Variants in SDK1 observed in about 807,000 individuals in gnomAD.
SDK1 encodes sidekick cell adhesion molecule 1, also known as protein sidekick-1.
A neutral mutation model predicts 245.5 loss-of-function variants in SDK1; 157 were observed. The observed-to-expected ratio is 0.64, with a 90% CI of 0.56 to 0.73. SDK1 has a LOEUF of 0.73. Ranked by LOEUF, SDK1 falls within the 30% of genes least tolerant of loss-of-function variation. SDK1 has a pLI of 0.00. For synonymous variants in SDK1, 1,647 were observed against 1,278.5 expected (o/e 1.29, Z -6.15); for missense variants, 3,583 against 3,002.3 (o/e 1.19, Z -4.52).
chr7:4,128,840 G>C (rs1784573701), intron 26 of SDK1, among the ~76,000 whole-genome samples: 1 of 139,406 alleles, frequency 7.2e-6, no homozygotes, highest in Admixed American at 7.1e-5. Context: ...GCAGCTTGGA[G>C]TGGGGTCCCC....
chr7:4,268,930 A>C lies in SDK1; in HGVS notation c.*3546A>C. 1 of 333,946 alleles carries C rather than the reference A, an allele frequency of 3.0e-6. No homozygotes were observed. Among genetic ancestry groups the C allele is most frequent in the Non-Finnish European group, 6.0e-6 (1 of 167,320 alleles). 20.7% of individuals were successfully genotyped at this position (333,946 alleles called of 1,614,324 possible). On this transcript the variant is annotated 3_prime_UTR_variant, in exon 45 of 45. Transcript: ENST00000404826. ...CAGATCTCATTAAAAGAAAAAAAGA[A>C]ACAACTTGTAGGAAGACAGAGAGGT... is the stretch of plus-strand genomic sequence containing the variant.
intron 1 of SDK1, among the ~76,000 whole-genome samples, chr7:3,475,828 G>C (rs1781333098): frequency 6.6e-6 from 1 of 152,132 alleles, no homozygotes; most frequent in Non-Finnish European, 1.5e-5. Context: ...AATCACCTGA[G>C]CTGCCTCTCT....
chr7:3,903,481 G>A (rs1352066783), intron 5 of SDK1, among the ~76,000 whole-genome samples: 3 of 152,052 alleles, frequency 2.0e-5, no homozygotes, highest in African/African-American at 7.2e-5. Context: ...TGGAAGTGTT[G>A]GCAAGAAGTA....
At position 4,211,270 on chromosome 7, in the gene SDK1, A is replaced by G. The variant is rs1245391572; in HGVS notation, c.5539+1108A>G. Among the ~76,000 whole-genome samples, 3 of 152,236 alleles carry G rather than the reference A, an allele frequency of 2.0e-5. No homozygotes were observed. In the East Asian group the frequency reaches 5.8e-4, roughly 29 times the overall value. The stretch of plus-strand genomic sequence containing the variant: ...CAACACAGAGGACTTTGAAAGAGGA[A>G]ATGTCAGGGGCTTGACAGTGAGTGA... On this transcript the variant is annotated intron_variant, in intron 38 of 44. Coordinates refer to ENST00000404826, the MANE Select transcript of SDK1 (RefSeq NM_152744.4).
At chr7:3,943,122 C>G (rs1039095304) in intron 5 of SDK1, among the ~76,000 whole-genome samples, 1 of 152,150 alleles carries the variant, frequency 6.6e-6, no homozygotes, top group Admixed American at 6.5e-5. Context: ...ATAGAGTAAA[C>G]CAAAATGTAG....
At chr7:4,225,698 A>C (rs971807609) in intron 40 of SDK1, among the ~76,000 whole-genome samples, 2 of 152,130 alleles carry the variant, frequency 1.3e-5, no homozygotes, top group Non-Finnish European at 2.9e-5. Context: ...CCCACGCCTC[A>C]GAGTGGCTTG....
chr7:3,381,063 T>C (rs1206736101), intron 1 of SDK1, among the ~76,000 whole-genome samples: 3 of 152,168 alleles, frequency 2.0e-5, no homozygotes, highest in South Asian at 2.1e-4. Context: ...GCAGGAGTTA[T>C]GTGCTTAGAG....
In SDK1 at chr7:4,026,891, G is replaced by A. The variant is rs746507661; in HGVS notation, c.2602+9539G>A. Among the ~76,000 whole-genome samples the A allele has an allele frequency of 1.3e-5, 2 of 152,180 alleles. No individual in the cohort carries two copies. Among genetic ancestry groups the A allele is most frequent in the African/African-American group, 4.8e-5 (2 of 41,448 alleles). On this transcript the variant is annotated intron_variant, in intron 17 of 44. Transcript: ENST00000404826. The surrounding 1 kb of genome is among the most constrained non-coding windows in gnomAD (Gnocchi z 4.1). ...GACTCTACCAGGTAACGAACTCACC[G>A]CTCCCTGGTTTCAAAGGCGTATACA...
intron 35 of SDK1, among the ~76,000 whole-genome samples, chr7:4,180,742 GA>G (rs1782557498): frequency 6.6e-6 from 1 of 152,208 alleles, no homozygotes; most frequent in Non-Finnish European, 1.5e-5. Flanking sequence ...GGCGAAGGGG[GA>G]GCAGGCATCC....
chr7:3,848,979 C>A (rs1337943918), intron 5 of SDK1, among the ~76,000 whole-genome samples: 1 of 152,168 alleles, frequency 6.6e-6, no homozygotes, highest in Admixed American at 6.5e-5. Context: ...CTGGAGTTTT[C>A]TTTTCTAAAT....
intron 4 of SDK1, among the ~76,000 whole-genome samples, chr7:3,658,068 C>G (rs564402468): frequency 6.6e-6 from 1 of 152,170 alleles, no homozygotes; most frequent in African/African-American, 2.4e-5. Context: ...TGCCCGACTT[C>G]GGTGGGGCTC....
chr7:3,844,075 A>C (rs1419727708), intron 5 of SDK1, among the ~76,000 whole-genome samples: 1 of 152,096 alleles, frequency 6.6e-6, no homozygotes, highest in Non-Finnish European at 1.5e-5. Flanking sequence ...GGTTCAAGTG[A>C]TTCTCCTGCC....
chr7:4,133,436 G>A (rs1784981716), intron 28 of SDK1, among the ~76,000 whole-genome samples: 1 of 152,222 alleles, frequency 6.6e-6, no homozygotes, highest in African/African-American at 2.4e-5. Context: ...CCGTAAGGGA[G>A]ACACATGTTG....
chr7:4,236,643 G>T (rs1000436042), intron 41 of SDK1, among the ~76,000 whole-genome samples: 4 of 152,086 alleles, frequency 2.6e-5, no homozygotes, highest in African/African-American at 9.7e-5. Context: ...CCCCGTGGCT[G>T]TTGGGAACCA....
At chr7:4,132,226 A>T in intron 27 of SDK1, 99 bp from the exon 28 acceptor site, 1 of 892,046 alleles carries the variant, frequency 1.1e-6, no homozygotes, top group Non-Finnish European at 1.8e-6. Context: ...AGCCTGTGGT[A>T]GTTACTGCAG....
chr7:3,595,909 A>G (rs942708631), intron 1 of SDK1, among the ~76,000 whole-genome samples: 3 of 150,572 alleles, frequency 2.0e-5, no homozygotes, highest in Non-Finnish European at 3.0e-5. Flanking sequence ...TTACTAGTCA[A>G]CACTAACCAC....
chr7:4,113,525 T>A, intron 24 of SDK1, 86 bp downstream of exon 24: 2 of 1,458,912 alleles, frequency 1.4e-6, no homozygotes, highest in Non-Finnish European at 1.9e-6. Flanking sequence ...AGGAGTTTCT[T>A]AGTCACGCCT....
At chr7:3,494,193 A>T (rs1781951465) in intron 1 of SDK1, among the ~76,000 whole-genome samples, 1 of 152,194 alleles carries the variant, frequency 6.6e-6, no homozygotes, top group Non-Finnish European at 1.5e-5. Flanking sequence ...TTATTTCATT[A>T]GGAAAACTTT....
intron 5 of SDK1, among the ~76,000 whole-genome samples, chr7:3,865,909 C>G (rs981093334): frequency 3.3e-4 from 50 of 152,192 alleles, no homozygotes; most frequent in African/African-American, 8.9e-4. Flanking sequence ...GGAAAAGAAG[C>G]CCTCGTAGTC....
Sources: gnomAD v4.1 joint callset for allele counts (sites outside exome capture counted in the v4.1 genomes callset) on GRCh38, gnomAD v4.1.1 for gene constraint, Gnocchi (gnomAD v3.1) non-coding constraint, MANE v1.5 for transcripts, NCBI Gene and HGNC (gene_info 2026-07-23, HGNC 2026-07-21) for gene names.